AVIL: variants seen among roughly 807,000 people sequenced by gnomAD.
The protein encoded by AVIL is advillin.
AVIL carries 78 observed loss-of-function variants against 109.9 expected under a neutral mutation model. The observed-to-expected ratio is 0.71, with a 90% CI of 0.59 to 0.86. The LOEUF is 0.86. Ranked by LOEUF, AVIL falls within the 40% of genes least tolerant of loss-of-function variation. The probability of loss-of-function intolerance (pLI) is 0.00; values close to 1 mark genes in which losing one functional copy is unlikely to be tolerated. For synonymous variants in AVIL, 367 were observed against 379.1 expected (o/e 0.97, Z 0.37); for missense variants, 892 against 1,016.5 (o/e 0.88, Z 1.67).
In AVIL at chr12:57,802,574, A is replaced by T. The variant is rs186621675; in HGVS notation, c.1963-226T>A. 8.1e-5 allele frequency: 58 copies of T among 719,744 alleles called. No individual in the cohort carries two copies. The Admixed American group carries it at 1.1e-3, about 14-fold the overall frequency. The allele number at this position is 719,744 out of a possible 1,614,324, so 44.6% of individuals were successfully genotyped here. ...TTCCAGGTCTGCCTTTCCAAATTGG[A>T]GCTGTCTCTGAACTTCAGCTTCCTG... On this transcript the variant is annotated intron_variant, in intron 16 of 19. Coordinates refer to ENST00000549994, the MANE Select transcript of AVIL (RefSeq NM_006576.4).
At position 57,818,182 on chromosome 12, in the gene AVIL, C is replaced by CTTTTTTTTTTTTTTTTT. The variant is rs66731427; in HGVS notation, c.-20+430_-20+446dup. Reference sequence around the variant, plus strand: ...CACAGGTGTGCACCACCATGCTTGGCTTTTTTTTTTTTTTTTTTTTTTTTT... The same window carrying CTTTTTTTTTTTTTTTTT: ...CACAGGTGTGCACCACCATGCTTGGCTTTTTTTTTTTTTTTTTTTTTTTTTTTTTTTTTTTTTTTTTT... On this transcript the variant is annotated intron_variant, in intron 1 of 19. Transcript: ENST00000549994. 7.7e-4 allele frequency among the ~76,000 whole-genome samples: 27 copies of CTTTTTTTTTTTTTTTTT among 35,272 alleles called. 8 individuals carry two copies. Among genetic ancestry groups the CTTTTTTTTTTTTTTTTT allele is most frequent in the East Asian group, 1.8e-3 (1 of 560 alleles). 23.1% of individuals were successfully genotyped at this position (35,272 alleles called of 152,430 possible). A position where few individuals can be genotyped will look rare whatever the true frequency, so the allele number is the denominator to read the frequency against.
At chr12:57,801,664 C>A (rs1000898397) in intron 17 of AVIL, among the ~76,000 whole-genome samples, 41 of 152,012 alleles carry the variant, frequency 2.7e-4, no homozygotes, top group African/African-American at 9.7e-4. Context: ...TGCTTGAACC[C>A]AGGAGGTAGA....
intron 16 of AVIL, 120 bp from the exon 17 acceptor site, chr12:57,802,468 T>C (rs1380154396): frequency 1.7e-5 from 21 of 1,200,780 alleles, no homozygotes; most frequent in Non-Finnish European, 2.3e-5. Context: ...CTCAGAAAAC[T>C]TTCTCAGCCT....
At chr12:57,805,595 G>A (rs1267647684) in intron 14 of AVIL, among the ~76,000 whole-genome samples, 3 of 149,106 alleles carry the variant, frequency 2.0e-5, no homozygotes, top group East Asian at 2.0e-4. Flanking sequence ...GTGCCATGGC[G>A]CGATCTCGGC....
chr12:57,802,306 C>T lies in AVIL; in HGVS notation c.2005G>A (p.Glu669Lys), dbSNP rs766576247. The T allele has an allele frequency of 6.2e-7, 1 of 1,613,908 alleles. No individual in the cohort carries two copies. The highest frequency in any genetic ancestry group is 2.2e-5 in the East Asian group (1 of 44,882). Residue 669 changes from glutamate to lysine, a missense_variant, in exon 17 of 20, where the codon GAG (glutamate) becomes AAG (lysine). By Grantham distance (56) the Glu-to-Lys change is moderately conservative. Transcript: ENST00000549994. ...IGAEANATEK[E>K]SALATAQQYL... ...TGCTGTGCTGTGGCAAGGGCACTCT[C>T]CTTCTCCGTGGCATTGGCCTCAGCC...
At chr12:57,813,192 C>G (rs768047615) in intron 4 of AVIL, 35 bp downstream of exon 4, 1 of 1,566,076 alleles carries the variant, frequency 6.4e-7, no homozygotes, top group Non-Finnish European at 8.7e-7. Context: ...CTGTAAACTG[C>G]TGTTTCTGTC....
intron 1 of AVIL, among the ~76,000 whole-genome samples, chr12:57,816,681 C>T (rs1956104158): frequency 6.7e-6 from 1 of 148,952 alleles, no homozygotes; most frequent in African/African-American, 2.5e-5. Context: ...CAACTTTGAC[C>T]TTCTCTTTGG....
rs377548293 is a variant in AVIL, at chr12:57,807,945, C to T, written c.1195-218G>A. On this transcript the variant is annotated intron_variant, in intron 11 of 19. Coordinates refer to ENST00000549994, the MANE Select transcript of AVIL (RefSeq NM_006576.4). ...TGTTCAGGAGCATCCCATCATGGCT[C>T]GGTCTTTGCAAGGCTGAGCAATGAT... The T allele has an allele frequency of 3.8e-5, 31 of 821,218 alleles. No homozygotes were observed. The African/African-American group carries it at 3.9e-4, about 10-fold the overall frequency. 50.9% of individuals were successfully genotyped at this position (821,218 alleles called of 1,614,324 possible).
chr12:57,803,464 C>T (rs953161770), intron 15 of AVIL, 60 bp downstream of exon 15: 1 of 1,613,456 alleles, frequency 6.2e-7, no homozygotes, highest in African/African-American at 1.3e-5. Flanking sequence ...AGCCTTTGTG[C>T]AATTCACAAG....
intron 18 of AVIL, among the ~76,000 whole-genome samples, chr12:57,800,857 C>A (rs569241800): frequency 6.6e-6 from 1 of 152,354 alleles, no homozygotes; most frequent in Non-Finnish European, 1.5e-5. Flanking sequence ...ATCCACCCGC[C>A]TTGGCCTCCC....
chr12:57,810,908 T>C lies in AVIL; in HGVS notation c.466A>G (p.Ser156Gly). 6.2e-7 allele frequency: 1 copy of C among 1,614,220 alleles called. No homozygotes were observed. The highest frequency in any genetic ancestry group is 8.5e-7 in the Non-Finnish European group (1 of 1,180,032). Residue 156 changes from serine to glycine, a missense_variant, in exon 6 of 20, where the codon AGT becomes GGT. Coordinates refer to ENST00000549994, the MANE Select transcript of AVIL (RefSeq NM_006576.4). Reference protein sequence around the residue: ...RATEVEMSWDSFNRGDVFLLD... With the variant: ...RATEVEMSWDGFNRGDVFLLD... ...AAGAAGACATCACCTCGGTTGAAAC[T>C]GTCCCAGCTCATTTCCACCTGTCGA...
At chr12:57,811,838 C>T (rs1258426584) in intron 4 of AVIL, among the ~76,000 whole-genome samples, 1 of 152,262 alleles carries the variant, frequency 6.6e-6, no homozygotes, top group Non-Finnish European at 1.5e-5. Flanking sequence ...TTAAACTTCT[C>T]AGTTGATGGA....
rs181241902 is a variant in AVIL at position 57,809,688 on chromosome 12, T to C, written c.848A>G (p.Tyr283Cys). Residue 283 changes from tyrosine (Y) to cysteine (C), a missense_variant, in exon 9 of 20, where the codon TAC becomes TGC. Tyr to Cys is a radical substitution (Grantham distance 194). Transcript: ENST00000549994. ...TTTGGTTCCACTTTGGTCCAGGATG[T>C]AGCAGTCCTAAAGCAGCCAGAGATA... The part of the protein sequence containing the change: ...VQDLLNHDDC[Y>C]ILDQSGTKIY... 2.1e-4 allele frequency: 335 copies of C among 1,614,200 alleles called. 1 individual carries two copies. The East Asian group carries it at 6.5e-3, about 31-fold the overall frequency.
At chr12:57,807,191 G>T in intron 13 of AVIL, 140 bp downstream of exon 13, 1 of 1,253,938 alleles carries the variant, frequency 8.0e-7, no homozygotes. Context: ...CTGTCTTAGA[G>T]GGATTAACCC....
chr12:57,818,172 C>T (rs559137914), intron 1 of AVIL, among the ~76,000 whole-genome samples: 2 of 131,488 alleles, frequency 1.5e-5, no homozygotes, highest in African/African-American at 2.6e-5. Flanking sequence ...GTGTGCACCA[C>T]CATGCTTGGC....
At chr12:57,809,468 G>C in intron 9 of AVIL, 129 bp downstream of exon 9, 1 of 1,064,102 alleles carries the variant, frequency 9.4e-7, no homozygotes, top group South Asian at 1.5e-5. Context: ...TTGTCTGCCT[G>C]ACTTTGCAGT....
intron 19 of AVIL, 36 bp from the exon 20 acceptor site, chr12:57,798,031 G>C (rs1329605720): frequency 6.7e-7 from 1 of 1,497,458 alleles, no homozygotes; most frequent in Admixed American, 1.9e-5. Flanking sequence ...TTAGAAGGAA[G>C]ACATGACATC....
intron 1 of AVIL, among the ~76,000 whole-genome samples, chr12:57,816,700 C>CTTTTT (rs11349032): frequency 4.3e-5 from 4 of 93,486 alleles, no homozygotes; most frequent in African/African-American, 7.8e-5. Flanking sequence ...GGCTTTTGTC[C>CTTTTT]TTTTTTTTTT....
chr12:57,810,788 A>G (rs1170764678), intron 6 of AVIL, 28 bp downstream of exon 6: 1 of 1,602,402 alleles, frequency 6.2e-7, no homozygotes, highest in South Asian at 1.1e-5. Flanking sequence ...GAGGAACTTG[A>G]GAAAGTGCTA....
Sources: allele counts gnomAD v4.1 joint callset (sites outside exome capture counted in the v4.1 genomes callset), GRCh38; gene constraint gnomAD v4.1.1; transcripts MANE v1.5; gene names NCBI Gene and HGNC (gene_info 2026-07-23, HGNC 2026-07-21).